The following ATP8A2 variants were observed in gnomAD, a reference collection of about 807,000 sequenced individuals.
The protein encoded by ATP8A2 is ATPase phospholipid transporting 8A2.
Under a neutral mutation model 165.6 loss-of-function variants are expected in ATP8A2, and 100 were observed. The observed-to-expected ratio is 0.60, with a 90% confidence interval of 0.51 to 0.71. The LOEUF is 0.71. ATP8A2 is among the 30% of genes least tolerant of loss of function. The pLI is 0.00. For synonymous variants in ATP8A2, 543 were observed against 548.8 expected (o/e 0.99, Z 0.15); for missense variants, 1,227 against 1,479.5 (o/e 0.83, Z 2.80).
intron 2 of ATP8A2, among the ~76,000 whole-genome samples, chr13:25,529,322 A>G (rs2037954568): frequency 6.6e-6 from 1 of 152,220 alleles, no homozygotes; most frequent in Non-Finnish European, 1.5e-5. Context: ...CTAGGAACAT[A>G]TGGAATTGAA....
intron 1 of ATP8A2, among the ~76,000 whole-genome samples, chr13:25,414,214 A>G (rs1233952973): frequency 1.5e-5 from 2 of 136,410 alleles, no homozygotes; most frequent in African/African-American, 2.8e-5. Flanking sequence ...TTTTTGAGTC[A>G]GAGTCTCGCT....
At chr13:25,405,228 C>T (rs1242459502) in intron 1 of ATP8A2, among the ~76,000 whole-genome samples, 2 of 151,998 alleles carry the variant, frequency 1.3e-5, no homozygotes, top group Non-Finnish European at 2.9e-5. Context: ...GGCGCAGATG[C>T]GAAAGTGTAG....
chr13:25,938,579 CA>C (rs150712950), intron 33 of ATP8A2, among the ~76,000 whole-genome samples: 6,729 of 152,124 alleles, frequency 0.044, 482 homozygotes, highest in African/African-American at 0.15. Context: ...GTAAAGGGAA[CA>C]AAGGTGCTAA....
chr13:25,516,112 A>G (rs1191849717), intron 2 of ATP8A2, among the ~76,000 whole-genome samples: 1 of 152,164 alleles, frequency 6.6e-6, no homozygotes, highest in Admixed American at 6.5e-5. Context: ...TGTGTTTTCC[A>G]TACTAGAAAT....
At chr13:25,553,171 C>A (rs1042293837) in intron 11 of ATP8A2, among the ~76,000 whole-genome samples, 7 of 149,300 alleles carry the variant, frequency 4.7e-5, no homozygotes, top group African/African-American at 1.7e-4. Context: ...CCCTTTGATA[C>A]CCCCAGACCT....
chr13:25,621,658 T>C (rs2040972409), intron 24 of ATP8A2, among the ~76,000 whole-genome samples: 1 of 152,158 alleles, frequency 6.6e-6, no homozygotes, highest in Non-Finnish European at 1.5e-5. Context: ...AAAGGTAGGA[T>C]TCATAAGACA....
intron 2 of ATP8A2, 124 bp from the exon 3 acceptor site, chr13:25,529,875 T>C (rs2037973547): frequency 1.7e-6 from 1 of 573,294 alleles, no homozygotes; most frequent in Non-Finnish European, 3.0e-6. Context: ...GCAATTTCCT[T>C]GTCTTGAGTT....
intron 33 of ATP8A2, among the ~76,000 whole-genome samples, chr13:25,881,601 GAGAGAGAGAGAA>G (rs1230434727): frequency 2.0e-5 from 3 of 152,072 alleles, no homozygotes; most frequent in Non-Finnish European, 4.4e-5. Flanking sequence ...GAGAAAGAGA[GAGAGAGAGAGAA>G]AGAGAGAGAG....
chr13:25,505,402 A>T (rs1020636540), intron 2 of ATP8A2, among the ~76,000 whole-genome samples: 2 of 152,154 alleles, frequency 1.3e-5, no homozygotes, highest in Non-Finnish European at 2.9e-5. Context: ...GTCTGATATT[A>T]GTTTTAAAGT....
chr13:25,578,846 A>C lies in ATP8A2; in HGVS notation c.1814A>C (p.Asp605Ala), dbSNP rs1217296985. Reference protein sequence around the residue: ...DNVIFERLSKDSKYMEETLCH... With the variant: ...DNVIFERLSKASKYMEETLCH... ...GTGATTTTTGAGAGACTTTCAAAAG[A>C]CTCAAAATATATGGAGGAAACATTA... The change falls in exon 21 of 37, where the codon GAC (aspartate) becomes GCC (alanine). Residue 605 changes from aspartate to alanine, a missense_variant. Physicochemically the swap from Asp to Ala is moderately radical, Grantham distance 126. Around this residue, in one of 5 missense-constraint regions of ATP8A2, gnomAD observed 592 missense variants for 785.6 expected, o/e 0.75. Transcript: ENST00000381655. The C allele has an allele frequency of 1.2e-6, 2 of 1,609,504 alleles. No homozygotes were observed. Among genetic ancestry groups the C allele is most frequent in the African/African-American group, 1.3e-5 (1 of 74,836 alleles).
intron 1 of ATP8A2, among the ~76,000 whole-genome samples, chr13:25,388,801 G>A (rs1349092246): frequency 6.6e-6 from 1 of 152,164 alleles, no homozygotes; most frequent in Admixed American, 6.5e-5. Flanking sequence ...AAACACGGGA[G>A]CAGTGACACG....
intron 33 of ATP8A2, among the ~76,000 whole-genome samples, chr13:25,868,719 C>T (rs1952593252): frequency 6.6e-6 from 1 of 152,126 alleles, no homozygotes; most frequent in African/African-American, 2.4e-5. Flanking sequence ...ACCCCAGGGT[C>T]CCCCATCCGT....
intron 1 of ATP8A2, among the ~76,000 whole-genome samples, chr13:25,421,071 T>C (rs1362995638): frequency 6.6e-6 from 1 of 152,214 alleles, no homozygotes; most frequent in Admixed American, 6.5e-5. Context: ...GTGTAAAGTG[T>C]GATATAATTC....
chr13:25,561,152 A>T (rs2039141213), intron 15 of ATP8A2, among the ~76,000 whole-genome samples: 2 of 151,516 alleles, frequency 1.3e-5, no homozygotes, highest in Admixed American at 6.6e-5. Context: ...CCCAAAGTGA[A>T]TTTTTTCCAT....
intron 25 of ATP8A2, among the ~76,000 whole-genome samples, chr13:25,762,070 T>G (rs2044390298): frequency 1.3e-5 from 2 of 151,892 alleles, no homozygotes; most frequent in African/African-American, 4.8e-5. Flanking sequence ...AAGACCAGGC[T>G]GGCCAACATG....
At chr13:25,963,239 C>T (rs984986520) in intron 34 of ATP8A2, among the ~76,000 whole-genome samples, 4 of 151,784 alleles carry the variant, frequency 2.6e-5, no homozygotes, top group African/African-American at 9.7e-5. Flanking sequence ...ACTATAAATA[C>T]AAAAATTAGC....
chr13:25,696,791 G>A (rs2042842750), intron 24 of ATP8A2, among the ~76,000 whole-genome samples: 1 of 152,186 alleles, frequency 6.6e-6, no homozygotes, highest in African/African-American at 2.4e-5. Context: ...GTGTTTACTG[G>A]AGTAGCTCTT....
chr13:25,616,326 C>CTTTTTTTTTTTTTT (rs535891442), intron 24 of ATP8A2, among the ~76,000 whole-genome samples: 11 of 106,756 alleles, frequency 1.0e-4, no homozygotes, highest in Non-Finnish European at 1.5e-4. Context: ...TTCTTTCTTT[C>CTTTTTTTTTTTTTT]TTTTTTTTTT....
At chr13:25,669,113 A>AT (rs143949643) in intron 24 of ATP8A2, among the ~76,000 whole-genome samples, 11,569 of 149,782 alleles carry the variant, frequency 0.077, 531 homozygotes, top group Non-Finnish European at 0.12. Context: ...ATGCCTTGTA[A>AT]TTTTTTTTTT....
Sources: gnomAD v4.1 joint callset for allele counts (sites outside exome capture counted in the v4.1 genomes callset) on GRCh38, gnomAD v4.1.1 for gene constraint, gnomAD v4.1.1 regional missense constraint, MANE v1.5 for transcripts, NCBI Gene and HGNC (gene_info 2026-07-23, HGNC 2026-07-21) for gene names.